MRGPRX3: variants seen among roughly 807,000 people sequenced by gnomAD.
The protein encoded by MRGPRX3 is mas-related G protein-coupled receptor member X3.
A neutral mutation model predicts 16.5 loss-of-function variants in MRGPRX3; 14 were observed. That is an observed-to-expected ratio of 0.85 (90% CI 0.56 to 1.33). MRGPRX3 has a LOEUF of 1.33. Among genes scored for constraint, MRGPRX3 ranks in the 40% most tolerant of loss-of-function variants. The pLI is 0.00. For missense variants in MRGPRX3, 449 were observed against 413.0 expected, an observed-to-expected ratio of 1.09 and a Z score of -0.76; for synonymous variants, 199 against 180.1, an observed-to-expected ratio of 1.10 and a Z score of -0.84.
chr11:18,123,836 C>T (rs1026950113), intron 1 of MRGPRX3, among the ~76,000 whole-genome samples: 7 of 152,168 alleles, frequency 4.6e-5, no homozygotes, highest in African/African-American at 1.7e-4. Context: ...AATGTTCTTC[C>T]ATTTGTTTGT....
chr11:18,137,023 T>A (rs1849012953), intron 1 of MRGPRX3, among the ~76,000 whole-genome samples, 155 bp from the exon 2 acceptor site: 2 of 152,170 alleles, frequency 1.3e-5, no homozygotes, highest in South Asian at 4.1e-4. Flanking sequence ...GATTTCAAAC[T>A]GGATTTGAGG....
At position 18,137,463 on chromosome 11, in the gene MRGPRX3, C is replaced by A; in HGVS notation, c.261C>A (p.Leu87=). 1 of 1,614,182 alleles carries A rather than the reference C, an allele frequency of 6.2e-7. No individual in the cohort carries two copies. Among genetic ancestry groups the A allele is most frequent in the Non-Finnish European group, 8.5e-7 (1 of 1,180,030 alleles). Residue 87 remains leucine, a synonymous_variant, in exon 2 of 2, where the codon CTC becomes CTA. Transcript: ENST00000621697. ...SGHIICSPLR[L]INIRHPISKI... ...ACATTATATGTTCGCCGTTACGCCTCATCAATATCCGCCATCCCATCTCCA... is the reference window on the plus strand; with the variant it reads ...ACATTATATGTTCGCCGTTACGCCTAATCAATATCCGCCATCCCATCTCCA...
intron 1 of MRGPRX3, among the ~76,000 whole-genome samples, chr11:18,134,419 C>A (rs1191411507): frequency 4.6e-5 from 7 of 152,094 alleles, no homozygotes; most frequent in Non-Finnish European, 1.0e-4. Flanking sequence ...TGAAAAACTA[C>A]AATATAACAA....
At chr11:18,124,761 T>C (rs1848874115) in intron 1 of MRGPRX3, among the ~76,000 whole-genome samples, 1 of 152,042 alleles carries the variant, frequency 6.6e-6, no homozygotes, top group Non-Finnish European at 1.5e-5. Flanking sequence ...TCAGAAGGAA[T>C]GGTACCAGCT....
chr11:18,129,165 C>G (rs1393893241), upstream of MRGPRX3, among the ~76,000 whole-genome samples: 1 of 152,096 alleles, frequency 6.6e-6, no homozygotes, highest in Non-Finnish European at 1.5e-5. Flanking sequence ...AAACCCAACC[C>G]AGCAGAAGAA....
At chr11:18,127,358 CAG>C (rs1255233818) in intron 1 of MRGPRX3, among the ~76,000 whole-genome samples, 37 of 152,280 alleles carry the variant, frequency 2.4e-4, no homozygotes, top group African/African-American at 8.4e-4. Context: ...TAATATCCTG[CAG>C]AGTGTTTTCC....
chr11:18,131,824 A>C (rs1028266357), upstream of MRGPRX3, among the ~76,000 whole-genome samples: 1 of 152,142 alleles, frequency 6.6e-6, no homozygotes, highest in African/African-American at 2.4e-5. Flanking sequence ...ACCAAACATC[A>C]TATGTTCTCA....
In MRGPRX3 at chr11:18,132,716, C is replaced by A. The variant is rs576707088; in HGVS notation, c.-49C>A. 4 of 152,390 alleles carry A rather than the reference C, an allele frequency of 2.6e-5. No homozygotes were observed. The South Asian group carries it at 8.3e-4, about 32-fold the overall frequency. 9.4% of individuals were successfully genotyped at this position (152,390 alleles called of 1,614,324 possible). A position where few individuals can be genotyped will look rare whatever the true frequency, so the allele number is the denominator to read the frequency against. On this transcript the variant is annotated 5_prime_UTR_variant, in exon 1 of 2. It adds an upstream start codon to the 5' untranslated region. Coordinates refer to ENST00000621697, the MANE Select transcript of MRGPRX3 (RefSeq NM_001370464.1). ...TTTAGCACAAGGGAGGTCTTCACCA[C>A]TGGACAAAGAAGGAACGATAAGGGT...
upstream of MRGPRX3, among the ~76,000 whole-genome samples, chr11:18,131,842 G>A (rs117755883): frequency 0.012 from 1,806 of 152,212 alleles, 20 homozygotes; most frequent in Non-Finnish European, 0.018. Context: ...TCACTTACAA[G>A]TGGGGACTAA....
Position 18,137,351 on chromosome 11 carries a change from G to A in MRGPRX3, c.149G>A (p.Trp50Ter). The stretch of plus-strand genomic sequence containing the variant: ...CTGACAGGAAACGCGGTTGTGCTCT[G>A]GCTCCTGGGCTGCCGCATGCGCAGG... ...VALTGNAVVL[W>*]LLGCRMRRNA... Residue 50 changes from tryptophan to a stop codon, truncating the protein, a stop_gained, in exon 2 of 2, where the codon TGG (tryptophan) becomes TAG (stop). Coordinates refer to ENST00000621697, the MANE Select transcript of MRGPRX3 (RefSeq NM_001370464.1). LOFTEE classifies it low-confidence loss of function (END_TRUNC). The A allele has an allele frequency of 6.2e-7, 1 of 1,614,150 alleles. No homozygotes were observed.
chr11:18,123,803 C>A (rs565163575), intron 1 of MRGPRX3, among the ~76,000 whole-genome samples: 12 of 152,228 alleles, frequency 7.9e-5, no homozygotes, highest in African/African-American at 1.4e-4. Flanking sequence ...CACGATATTG[C>A]TTCTTCCTAC....
Position 18,137,371 on chromosome 11 carries a change from C to G in MRGPRX3, c.169C>G (p.Arg57Gly), listed in dbSNP as rs373134264. The change falls in exon 2 of 2, where the codon CGC (arginine) becomes GGC (glycine). Residue 57 changes from arginine to glycine, a missense_variant. By Grantham distance (125) the Arg-to-Gly change is moderately radical (BLOSUM62 -2). Coordinates refer to ENST00000621697, the MANE Select transcript of MRGPRX3 (RefSeq NM_001370464.1). The part of the protein sequence containing the change: ...VVLWLLGCRM[R>G]RNAVSIYILN... ...GCTCTGGCTCCTGGGCTGCCGCATG[C>G]GCAGGAACGCTGTCTCCATCTACAT... The G allele has an allele frequency of 1.9e-6, 3 of 1,614,194 alleles. No individual in the cohort carries two copies. The highest frequency in any genetic ancestry group is 2.7e-5 in the African/African-American group (2 of 75,044).
Position 18,137,778 on chromosome 11 carries a change from T to A in MRGPRX3, c.576T>A (p.Cys192Ter), listed in dbSNP as rs780742106. The stretch of plus-strand genomic sequence containing the variant: ...TGGTTTTTTTATGTGTGGTTCTCTG[T>A]GGGTCCAGCCTGGTCCTGCTGGTCA... ...AWLVFLCVVL[C>*]GSSLVLLVRI... The change falls in exon 2 of 2, where the codon TGT becomes TGA. Residue 192 changes from cysteine (C) to a stop codon, truncating the protein, a stop_gained. Coordinates refer to ENST00000621697, the MANE Select transcript of MRGPRX3 (RefSeq NM_001370464.1). LOFTEE classifies it high-confidence loss of function. 6.2e-7 allele frequency: 1 copy of A among 1,614,158 alleles called. No individual in the cohort carries two copies. Among genetic ancestry groups the A allele is most frequent in the South Asian group, 1.1e-5 (1 of 91,076 alleles).
rs767653158 is a variant in MRGPRX3 at position 18,137,682 on chromosome 11, C to A, written c.480C>A (p.Phe160Leu). ...TGCGGAGTATCCTGGAGTGGATGTT[C>A]TGTGACTTCCTGTTTAGTGGTGCTA... ...SLLRSILEWM[F>L]CDFLFSGANS... Residue 160 changes from phenylalanine to leucine, a missense_variant, in exon 2 of 2, where the codon TTC becomes TTA. Phe to Leu is a conservative substitution (Grantham distance 22). Coordinates refer to ENST00000621697, the MANE Select transcript of MRGPRX3 (RefSeq NM_001370464.1). 31 of 1,614,010 alleles carry A rather than the reference C, an allele frequency of 1.9e-5. No individual in the cohort carries two copies. The South Asian group carries it at 3.1e-4, about 16-fold the overall frequency.
At chr11:18,131,257 G>A (rs895262869), upstream of MRGPRX3, among the ~76,000 whole-genome samples, 3 of 152,096 alleles carry the variant, frequency 2.0e-5, no homozygotes, top group Non-Finnish European at 4.4e-5. Context: ...AACCCACCGA[G>A]TGAGAGAAAA....
At position 18,138,008 on chromosome 11, in the gene MRGPRX3, C is replaced by T; in HGVS notation, c.806C>T (p.Pro269Leu). 6.2e-7 allele frequency: 1 copy of T among 1,614,184 alleles called. No individual in the cohort carries two copies. The highest frequency in any genetic ancestry group is 8.5e-7 in the Non-Finnish European group (1 of 1,180,038). Residue 269 changes from proline to leucine, a missense_variant, in exon 2 of 2, where the codon CCC (proline) becomes CTC (leucine). By Grantham distance (98) the Pro-to-Leu change is moderately conservative. Coordinates refer to ENST00000621697, the MANE Select transcript of MRGPRX3 (RefSeq NM_001370464.1). ...FLSALNSSANPIIYFFVGSFR... is the reference protein window; with the variant it reads ...FLSALNSSANLIIYFFVGSFR... Reference sequence around the variant, plus strand: ...TCCGCTCTTAACAGCAGTGCCAACCCCATCATTTACTTCTTCGTGGGCTCC... The same window carrying T: ...TCCGCTCTTAACAGCAGTGCCAACCTCATCATTTACTTCTTCGTGGGCTCC...
At position 18,138,468 on chromosome 11, in the gene MRGPRX3, T is replaced by C. The variant is rs1038939589; in HGVS notation, c.*297T>C. 17 of 329,012 alleles carry C rather than the reference T, an allele frequency of 5.2e-5. No homozygotes were observed. The highest frequency in any genetic ancestry group is 8.6e-5 in the Non-Finnish European group (15 of 174,012). The allele number at this position is 329,012 out of a possible 1,614,324, so 20.4% of individuals were successfully genotyped here. On this transcript the variant is annotated 3_prime_UTR_variant, in exon 2 of 2. Coordinates refer to ENST00000621697, the MANE Select transcript of MRGPRX3 (RefSeq NM_001370464.1). Reference sequence around the variant, plus strand: ...GCACTTTTCATTGTAATAAAAGGAGTTGCTGTCCACAACCCTAAAACTCTT... The same window carrying C: ...GCACTTTTCATTGTAATAAAAGGAGCTGCTGTCCACAACCCTAAAACTCTT...
upstream of MRGPRX3, among the ~76,000 whole-genome samples, chr11:18,127,686 A>T (rs1848915696): frequency 6.6e-6 from 1 of 152,248 alleles, no homozygotes; most frequent in African/African-American, 2.4e-5. Flanking sequence ...TCTTTTTTCA[A>T]GGTTTTTAAC....
At chr11:18,124,063 G>C (rs1197753982) in intron 1 of MRGPRX3, among the ~76,000 whole-genome samples, 4 of 152,170 alleles carry the variant, frequency 2.6e-5, no homozygotes, top group Non-Finnish European at 4.4e-5. Flanking sequence ...TGCTGAATTT[G>C]CTTATCAGCT....
Sources: gnomAD v4.1 joint callset for allele counts (sites outside exome capture counted in the v4.1 genomes callset) on GRCh38, gnomAD v4.1.1 for gene constraint, MANE v1.5 for transcripts, NCBI Gene and HGNC (gene_info 2026-07-23, HGNC 2026-07-21) for gene names.